Variants in EFNA5 observed in about 807,000 individuals in gnomAD.
EFNA5 encodes ephrin A5.
A neutral mutation model predicts 22.9 loss-of-function variants in EFNA5; 5 were observed. The ratio of observed to expected loss-of-function variants is 0.22; its 90% CI spans 0.11 to 0.46. The LOEUF is 0.46. EFNA5 is among the 20% of genes least tolerant of loss of function. EFNA5 has a pLI of 0.99. For missense variants in EFNA5, 237 were observed against 293.3 expected (o/e 0.81, Z 1.40); for synonymous variants, 113 against 112.2 (o/e 1.01, Z -0.04).
At chr5:107,606,481 C>A (rs1052771818) in intron 1 of EFNA5, among the ~76,000 whole-genome samples, 1 of 151,000 alleles carries the variant, frequency 6.6e-6, no homozygotes, top group Admixed American at 6.6e-5. Context: ...TTTTTAATTG[C>A]TTTGATGCTG....
chr5:107,628,666 T>C (rs1217232211), intron 1 of EFNA5, among the ~76,000 whole-genome samples: 1 of 152,118 alleles, frequency 6.6e-6, no homozygotes, highest in African/African-American at 2.4e-5. Flanking sequence ...TAATGAGTAA[T>C]GGGCTGAAAG....
At chr5:107,444,338 T>C (rs1474846585) in intron 1 of EFNA5, among the ~76,000 whole-genome samples, 2 of 152,254 alleles carry the variant, frequency 1.3e-5, no homozygotes, top group African/African-American at 4.8e-5. Context: ...TGGATTCTTG[T>C]TGTCTCATCC....
At chr5:107,538,400 A>G (rs542179240) in intron 1 of EFNA5, among the ~76,000 whole-genome samples, 23 of 152,236 alleles carry the variant, frequency 1.5e-4, no homozygotes, top group African/African-American at 4.6e-4. Flanking sequence ...AGTACAAAGC[A>G]CTGTTTATGC....
intron 1 of EFNA5, among the ~76,000 whole-genome samples, chr5:107,464,743 G>A (rs1288800599): frequency 6.6e-6 from 1 of 152,124 alleles, no homozygotes; most frequent in African/African-American, 2.4e-5. Context: ...TCCCCAAATA[G>A]CTAACCCTCA....
intron 1 of EFNA5, among the ~76,000 whole-genome samples, chr5:107,642,882 G>A (rs1297752047): frequency 1.3e-5 from 2 of 149,318 alleles, no homozygotes; most frequent in Non-Finnish European, 3.0e-5. Flanking sequence ...TGAGAAGACA[G>A]ATTTGTGTTT....
At chr5:107,561,724 T>C (rs150323875) in intron 1 of EFNA5, among the ~76,000 whole-genome samples, 1 of 152,308 alleles carries the variant, frequency 6.6e-6, no homozygotes, top group East Asian at 1.9e-4. Context: ...CAGGTTTCCC[T>C]TTCCCCACAG....
rs1226224859 is a variant in EFNA5, at chr5:107,639,527, C to T, written c.125+30962G>A. On this transcript the variant is annotated intron_variant, in intron 1 of 4. Coordinates refer to ENST00000333274, the MANE Select transcript of EFNA5 (RefSeq NM_001962.3). ...GGCAAATTACATGACTTTACATATG[C>T]ACAGTGCTTGAAAAGAGACTGACAC... Among the ~76,000 whole-genome samples the T allele has an allele frequency of 2.0e-5, 3 of 152,304 alleles. No homozygotes were observed. In the East Asian group the frequency reaches 5.8e-4, roughly 29 times the overall value.
In EFNA5 at chr5:107,668,788, C is replaced by A. The variant is rs117246436; in HGVS notation, c.125+1701G>T. ...TAATGAGACTGGCTTTTAACACCATCACAACTGGAAAGCTTGCTCTATTTG... is the reference window on the plus strand; with the variant it reads ...TAATGAGACTGGCTTTTAACACCATAACAACTGGAAAGCTTGCTCTATTTG... On this transcript the variant is annotated intron_variant, in intron 1 of 4. Transcript: ENST00000333274. 1.2e-3 allele frequency among the ~76,000 whole-genome samples: 189 copies of A among 152,314 alleles called. 4 individuals carry two copies. The East Asian group carries it at 0.032, about 25-fold the overall frequency.
intron 1 of EFNA5, among the ~76,000 whole-genome samples, chr5:107,621,591 T>A (rs1750040413): frequency 6.6e-6 from 1 of 152,326 alleles, no homozygotes; most frequent in African/African-American, 2.4e-5. Flanking sequence ...ATCCATCTCC[T>A]GGCTCCACCC....
chr5:107,378,703 G>A lies in EFNA5; in HGVS notation c.*2552C>T, dbSNP rs530813194. 2 of 152,104 alleles carry A rather than the reference G, an allele frequency of 1.3e-5. No homozygotes were observed. Among genetic ancestry groups the A allele is most frequent in the South Asian group, 4.1e-4 (2 of 4,830 alleles). 9.4% of individuals were successfully genotyped at this position (152,104 alleles called of 1,614,324 possible). On this transcript the variant is annotated 3_prime_UTR_variant, in exon 5 of 5. Coordinates refer to ENST00000333274, the MANE Select transcript of EFNA5 (RefSeq NM_001962.3). ...CAGTGGCAGAATGGTGAAGTAAAGGGGTCTAATTTCACTGTGAAAAAATGA... is the reference window on the plus strand; with the variant it reads ...CAGTGGCAGAATGGTGAAGTAAAGGAGTCTAATTTCACTGTGAAAAAATGA...
intron 4 of EFNA5, 33 bp downstream of exon 4, chr5:107,387,202 A>G (rs1002697631): frequency 3.4e-6 from 5 of 1,451,708 alleles, no homozygotes; most frequent in East Asian, 4.6e-5. Context: ...AAATAGATGC[A>G]TTTGTTAAAA....
chr5:107,638,022 A>ATT (rs548601580), intron 1 of EFNA5, among the ~76,000 whole-genome samples: 84 of 144,446 alleles, frequency 5.8e-4, no homozygotes, highest in Non-Finnish European at 7.8e-4. Context: ...AATTTTTTGT[A>ATT]TTTTTTTTTT....
intron 1 of EFNA5, among the ~76,000 whole-genome samples, chr5:107,475,229 C>T (rs1214764587): frequency 6.6e-6 from 1 of 152,184 alleles, no homozygotes; most frequent in African/African-American, 2.4e-5. Context: ...ATTAATTTGT[C>T]TTTGTGGATT....
intron 1 of EFNA5, among the ~76,000 whole-genome samples, chr5:107,579,310 T>A (rs73198686): frequency 0.03 from 4,519 of 152,284 alleles, 246 homozygotes; most frequent in African/African-American, 0.1. Context: ...TTTCCAGAGC[T>A]AAGAGAATGA....
At chr5:107,438,391 T>C (rs1365308810) in intron 1 of EFNA5, among the ~76,000 whole-genome samples, 1 of 152,194 alleles carries the variant, frequency 6.6e-6, no homozygotes, top group Non-Finnish European at 1.5e-5. Context: ...CCTATCACAT[T>C]GGCAGAAACA....
intron 1 of EFNA5, among the ~76,000 whole-genome samples, chr5:107,520,959 TTC>T (rs1747583884): frequency 6.6e-6 from 1 of 152,234 alleles, no homozygotes; most frequent in Non-Finnish European, 1.5e-5. Flanking sequence ...CAAGCTTCCA[TTC>T]TCTTACATTT....
chr5:107,397,126 G>C (rs1747948193), intron 2 of EFNA5, among the ~76,000 whole-genome samples: 1 of 151,506 alleles, frequency 6.6e-6, no homozygotes, highest in African/African-American at 2.4e-5. Context: ...CTGGTGCAAT[G>C]CCTATAGTCC....
chr5:107,394,514 A>G (rs1430810006), intron 2 of EFNA5, among the ~76,000 whole-genome samples: 1 of 151,616 alleles, frequency 6.6e-6, no homozygotes, highest in Non-Finnish European at 1.5e-5. Flanking sequence ...TGGTTTTAAC[A>G]CCAGGGAACT....
intron 1 of EFNA5, among the ~76,000 whole-genome samples, chr5:107,637,041 C>T (rs1291628310): frequency 6.6e-6 from 1 of 152,050 alleles, no homozygotes; most frequent in Non-Finnish European, 1.5e-5. Flanking sequence ...TTATTCAGGC[C>T]AGTAATGACC....
Sources: gnomAD v4.1 joint callset for allele counts (sites outside exome capture counted in the v4.1 genomes callset) on GRCh38, gnomAD v4.1.1 for gene constraint, MANE v1.5 for transcripts, NCBI Gene and HGNC (gene_info 2026-07-23, HGNC 2026-07-21) for gene names.